The following GAR1 variants were observed in gnomAD, a reference collection of about 807,000 sequenced individuals.
The protein encoded by GAR1 is H/ACA ribonucleoprotein complex subunit 1.
GAR1 carries 11 observed loss-of-function variants against 29.3 expected under a neutral mutation model. The ratio of observed to expected loss-of-function variants is 0.38; its 90% CI spans 0.24 to 0.62. The LOEUF is 0.62. Ranked by LOEUF, GAR1 falls within the 20% of genes least tolerant of loss-of-function variation. GAR1 has a pLI of 0.62. For missense variants in GAR1, 237 were observed against 268.4 expected, an observed-to-expected ratio of 0.88 and a Z score of 0.82; for synonymous variants, 87 against 93.3, an observed-to-expected ratio of 0.93 and a Z score of 0.39.
chr4:109,820,065 G>A lies in GAR1; in HGVS notation c.429+1005G>A, dbSNP rs147384544. The stretch of plus-strand genomic sequence containing the variant: ...AAGATAAAAAGGCACCTTGGGAAGC[G>A]GTCAATATTGTGTGAGAGGGGCCAG... On this transcript the variant is annotated intron_variant, in intron 4 of 6. Coordinates refer to ENST00000226796, the MANE Select transcript of GAR1 (RefSeq NM_018983.4). Among the ~76,000 whole-genome samples the A allele has an allele frequency of 4.1e-3, 627 of 152,252 alleles. 5 individuals are homozygous for A. Among genetic ancestry groups the A allele is most frequent in the African/African-American group, 0.015 (605 of 41,552 alleles).
intron 1 of GAR1, 132 bp downstream of exon 1, chr4:109,815,936 G>T: frequency 1.7e-6 from 1 of 593,400 alleles, no homozygotes; most frequent in Non-Finnish European, 3.0e-6. Flanking sequence ...CTAATCATGG[G>T]GCGGCAAGGG....
In GAR1 at chr4:109,816,235, G is replaced by T; in HGVS notation, c.71G>T (p.Gly24Val). 6.2e-7 allele frequency: 1 copy of T among 1,609,666 alleles called. No individual in the cohort carries two copies. The highest frequency in any genetic ancestry group is 1.1e-5 in the South Asian group (1 of 90,760). ...GGGGGGFNRG[G>V]SSNHFRGGGG... ...GGAGGTGGCGGCTTCAACCGAGGTG[G>T]CAGCAGCAACCACTTCCGAGGTGGA... The change falls in exon 2 of 7, where the codon GGC (glycine) becomes GTC (valine). Residue 24 changes from glycine (G) to valine (V), a missense_variant. Coordinates refer to ENST00000226796, the MANE Select transcript of GAR1 (RefSeq NM_018983.4).
intron 4 of GAR1, 165 bp downstream of exon 4, chr4:109,819,225 G>A (rs765141881): frequency 1.3e-4 from 82 of 649,798 alleles, no homozygotes; most frequent in Non-Finnish European, 2.1e-4. Flanking sequence ...ATCTTTAAAA[G>A]TGATTTATTT....
At chr4:109,816,099 G>C in intron 1 of GAR1, 54 bp from the exon 2 acceptor site, 1 of 1,520,970 alleles carries the variant, frequency 6.6e-7, no homozygotes, top group Non-Finnish European at 9.1e-7. Context: ...AGGGGTTGGA[G>C]TATACTCAGA....
rs1733353379 is a variant in GAR1, at chr4:109,816,388, C to T, written c.214+10C>T. The stretch of plus-strand genomic sequence containing the variant: ...CCAGAACGTGTAGTCTGTATGCAGT[C>T]TTCAGTATTTAGCTTATTTGAAGGA... On this transcript the variant is annotated intron_variant, in intron 2 of 6. Coordinates refer to ENST00000226796, the MANE Select transcript of GAR1 (RefSeq NM_018983.4). The T allele has an allele frequency of 1.9e-6, 3 of 1,612,002 alleles. No individual in the cohort carries two copies. The African/African-American group carries it at 4.0e-5, about 22-fold the overall frequency.
chr4:109,819,969 A>G (rs1325908050), intron 4 of GAR1, among the ~76,000 whole-genome samples: 1 of 152,192 alleles, frequency 6.6e-6, no homozygotes, highest in Non-Finnish European at 1.5e-5. Context: ...TTTAGACCTT[A>G]GTTTCAATTG....
chr4:109,819,261 T>TA, intron 4 of GAR1: 1 of 571,040 alleles, frequency 1.8e-6, no homozygotes. Context: ...AAGTAAAAAT[T>TA]ACAACTTTTG....
chr4:109,821,081 C>G (rs992147271), intron 4 of GAR1, among the ~76,000 whole-genome samples: 1 of 152,136 alleles, frequency 6.6e-6, no homozygotes, highest in Non-Finnish European at 1.5e-5. Flanking sequence ...TTCCATACCC[C>G]CTGCTATGTT....
At chr4:109,817,852 A>G in intron 2 of GAR1, 84 bp from the exon 3 acceptor site, 1 of 1,110,960 alleles carries the variant, frequency 9.0e-7, no homozygotes, top group Non-Finnish European at 1.3e-6. Context: ...AGTCCCAGGT[A>G]GCCAAAAAGA....
intron 3 of GAR1, among the ~76,000 whole-genome samples, chr4:109,818,437 C>T (rs575029497): frequency 2.0e-5 from 3 of 151,910 alleles, no homozygotes; most frequent in Admixed American, 6.6e-5. Context: ...TCCTTCCTTT[C>T]TCTCTCTCTC....
intron 4 of GAR1, among the ~76,000 whole-genome samples, chr4:109,820,185 A>G (rs1029484371): frequency 4.6e-5 from 7 of 152,142 alleles, no homozygotes; most frequent in African/African-American, 1.7e-4. Context: ...AAGATACAGG[A>G]AGTAGAATCA....
At position 109,819,018 on chromosome 4, in the gene GAR1, G is replaced by A. The variant is rs769185114; in HGVS notation, c.387G>A (p.Leu129=). ...AATAATAGTATTTTTCAGTTAAGTT[G>A]TCAGAAAACATGAAGGCTTCATCCT... ...QLRDFYFSVK[L]SENMKASSFK... is the part of the protein sequence containing the mutation. The change falls in exon 4 of 7, where the codon TTG becomes TTA. Residue 129 remains leucine, a synonymous_variant. Coordinates refer to ENST00000226796, the MANE Select transcript of GAR1 (RefSeq NM_018983.4). The A allele has an allele frequency of 3.5e-6, 5 of 1,420,644 alleles. No individual in the cohort carries two copies. The East Asian group carries it at 9.1e-5, about 26-fold the overall frequency. The allele number at this position is 1,420,644 out of a possible 1,614,324, so 88.0% of individuals were successfully genotyped here.
chr4:109,823,478 A>AT (rs970024257), intron 5 of GAR1, among the ~76,000 whole-genome samples: 2 of 151,892 alleles, frequency 1.3e-5, no homozygotes, highest in Non-Finnish European at 2.9e-5. Flanking sequence ...CAGCTGTCTT[A>AT]TTTTTTTAAA....
chr4:109,815,915 G>C, intron 1 of GAR1, 111 bp downstream of exon 1: 1 of 565,500 alleles, frequency 1.8e-6, no homozygotes, highest in Non-Finnish European at 3.1e-6. Context: ...TGTCTGTAGG[G>C]GGAGGAGATA....
intron 3 of GAR1, among the ~76,000 whole-genome samples, chr4:109,818,624 G>A (rs941137692): frequency 2.1e-5 from 3 of 145,080 alleles, no homozygotes; most frequent in African/African-American, 7.8e-5. Flanking sequence ...GAGTGCAGTG[G>A]CACGATCTCA....
At chr4:109,816,595 A>C (rs1468141835) in intron 2 of GAR1, among the ~76,000 whole-genome samples, 4 of 152,194 alleles carry the variant, frequency 2.6e-5, no homozygotes, top group African/African-American at 9.7e-5. Context: ...AATCGTGAGT[A>C]CTTATGCCTA....
At chr4:109,822,184 C>T (rs753389889) in intron 4 of GAR1, among the ~76,000 whole-genome samples, 163 bp from the exon 5 acceptor site, 87 of 136,598 alleles carry the variant, frequency 6.4e-4, no homozygotes, top group Non-Finnish European at 9.1e-4. Context: ...AAAAAAGAAA[C>T]CTAAGTTAGT....
At chr4:109,822,935 C>T (rs1236439156) in intron 5 of GAR1, among the ~76,000 whole-genome samples, 3 of 152,066 alleles carry the variant, frequency 2.0e-5, no homozygotes, top group African/African-American at 7.2e-5. Context: ...TTAATTTGCC[C>T]CAATCAAACA....
intron 3 of GAR1, 61 bp downstream of exon 3, chr4:109,818,151 G>A: frequency 8.2e-7 from 1 of 1,212,178 alleles, no homozygotes; most frequent in South Asian, 1.4e-5. Flanking sequence ...ATTTTTCTGA[G>A]GAGGCAGTTA....
Sources: allele counts gnomAD v4.1 joint callset (sites outside exome capture counted in the v4.1 genomes callset), GRCh38; gene constraint gnomAD v4.1.1; transcripts MANE v1.5; gene names NCBI Gene and HGNC (gene_info 2026-07-23, HGNC 2026-07-21).